Variants in DEFB116 observed in about 807,000 individuals in gnomAD.
DEFB116 encodes beta-defensin 116.
Under a neutral mutation model 2.8 loss-of-function variants are expected in DEFB116, and 5 were observed. The ratio of observed to expected loss-of-function variants is 1.80; its 90% CI spans 0.94 to 3.79. The LOEUF (loss-of-function observed/expected upper bound fraction) is 3.79, where lower values mean the gene tolerates loss of function less well. Among genes scored for constraint, DEFB116 ranks in the 30% most tolerant of loss-of-function variants. DEFB116 has a pLI of 0.00. For missense variants in DEFB116, 170 were observed against 118.0 expected, an observed-to-expected ratio of 1.44 and a Z score of -2.04; for synonymous variants, 56 against 40.8, an observed-to-expected ratio of 1.37 and a Z score of -1.42.
At chr20:31,307,315 T>C (rs940764881) in intron 1 of DEFB116, among the ~76,000 whole-genome samples, 1 of 152,160 alleles carries the variant, frequency 6.6e-6, no homozygotes, top group South Asian at 2.1e-4. Flanking sequence ...GACATATTCA[T>C]GACAGTATAG....
intron 1 of DEFB116, among the ~76,000 whole-genome samples, chr20:31,304,382 G>A (rs1410928544): frequency 6.6e-6 from 1 of 152,060 alleles, no homozygotes; most frequent in Non-Finnish European, 1.5e-5. Flanking sequence ...CATGTACTGT[G>A]GTATGGTCCA....
In DEFB116 at chr20:31,303,218, G is replaced by A. The variant is rs993518612; in HGVS notation, c.303C>T (p.His101=). The A allele has an allele frequency of 1.9e-6, 3 of 1,613,272 alleles. No individual in the cohort carries two copies. The highest frequency in any genetic ancestry group is 1.7e-4 in the Middle Eastern group (1 of 6,052). Residue 101 remains histidine (H), a synonymous_variant, in exon 2 of 2, where the codon CAC becomes CAT. Coordinates refer to ENST00000400549, the MANE Select transcript of DEFB116 (RefSeq NM_001037731.1). The part of the protein sequence containing the change: ...LSVTNSSSYS[H]I ...GAGGAGACGTTGGTGATATTCAAAT[G>A]TGAGAGTAGCTTGAACTGTTTGTAA...
chr20:31,305,683 A>T (rs931288039), intron 1 of DEFB116, among the ~76,000 whole-genome samples: 1 of 151,966 alleles, frequency 6.6e-6, no homozygotes, highest in Non-Finnish European at 1.5e-5. Context: ...CCTCTGCACC[A>T]TGCTATATTT....
At chr20:31,306,050 G>T (rs1241304951) in intron 1 of DEFB116, among the ~76,000 whole-genome samples, 2 of 151,970 alleles carry the variant, frequency 1.3e-5, no homozygotes, top group Non-Finnish European at 2.9e-5. Flanking sequence ...ACTGTCTTAA[G>T]TCAAAAAACA....
intron 1 of DEFB116, among the ~76,000 whole-genome samples, chr20:31,307,028 A>G (rs1034248190): frequency 1.3e-5 from 2 of 152,140 alleles, no homozygotes; most frequent in Admixed American, 6.6e-5. Context: ...ACTTTGTTGA[A>G]GTACAATTGG....
chr20:31,304,966 A>G (rs1242527683), intron 1 of DEFB116, among the ~76,000 whole-genome samples: 1 of 152,126 alleles, frequency 6.6e-6, no homozygotes, highest in Non-Finnish European at 1.5e-5. Context: ...CGGGAAGAGA[A>G]ATAAAGAAGA....
intron 1 of DEFB116, among the ~76,000 whole-genome samples, chr20:31,303,812 A>G (rs902803230): frequency 5.9e-5 from 9 of 152,136 alleles, no homozygotes; most frequent in African/African-American, 2.2e-4. Flanking sequence ...TGAGAGTATG[A>G]GGTTTCAAGG....
intron 1 of DEFB116, among the ~76,000 whole-genome samples, chr20:31,305,912 T>A (rs940024873): frequency 1.3e-5 from 2 of 152,066 alleles, no homozygotes; most frequent in African/African-American, 4.8e-5. Context: ...TTGCAAGAGT[T>A]CCCCAGAAAA....
intron 1 of DEFB116, among the ~76,000 whole-genome samples, chr20:31,303,825 T>G (rs186318455): frequency 6.6e-6 from 1 of 152,146 alleles, no homozygotes; most frequent in Non-Finnish European, 1.5e-5. Context: ...TTTCAAGGTA[T>G]GCCACTGTGA....
At chr20:31,307,479 G>A (rs997728267) in intron 1 of DEFB116, among the ~76,000 whole-genome samples, 11 of 152,036 alleles carry the variant, frequency 7.2e-5, no homozygotes, top group Non-Finnish European at 1.3e-4. Flanking sequence ...AGAAAACATA[G>A]AGAAAAAGCT....
At chr20:31,308,438 G>A in intron 1 of DEFB116, 81 bp downstream of exon 1, 2 of 1,394,602 alleles carry the variant, frequency 1.4e-6, no homozygotes, top group African/African-American at 1.4e-5. Context: ...CACTATATGT[G>A]AGTAGGAGTC....
At chr20:31,305,879 G>A (rs983789977) in intron 1 of DEFB116, among the ~76,000 whole-genome samples, 12 of 152,092 alleles carry the variant, frequency 7.9e-5, no homozygotes, top group African/African-American at 2.9e-4. Context: ...GTATATCTAA[G>A]GAGAGGCCAG....
At position 31,303,411 on chromosome 20, in the gene DEFB116, C is replaced by T. The variant is rs866837026; in HGVS notation, c.110G>A (p.Trp37Ter). 6.2e-7 allele frequency: 1 copy of T among 1,613,440 alleles called. No individual in the cohort carries two copies. The highest frequency in any genetic ancestry group is 8.5e-7 in the Non-Finnish European group (1 of 1,179,562). ...RSHNGKSREP[W>*]NPCELYQGMC... ...GCCTTGGTAAAGCTCACATGGATTC[C>T]AAGGCTCTCGGCTCTTGCCATTGTG... Residue 37 changes from tryptophan (W) to a stop codon, truncating the protein, a stop_gained, in exon 2 of 2, where the codon TGG becomes TAG. Transcript: ENST00000400549. LOFTEE classifies it low-confidence loss of function (END_TRUNC).
intron 1 of DEFB116, among the ~76,000 whole-genome samples, chr20:31,307,070 C>A (rs1433137810): frequency 6.6e-6 from 1 of 152,102 alleles, no homozygotes; most frequent in East Asian, 1.9e-4. Flanking sequence ...TTAATTTATA[C>A]ATTTTGATGA....
At chr20:31,304,964 G>T (rs1284917328) in intron 1 of DEFB116, among the ~76,000 whole-genome samples, 1 of 152,112 alleles carries the variant, frequency 6.6e-6, no homozygotes, top group Non-Finnish European at 1.5e-5. Flanking sequence ...AACGGGAAGA[G>T]AAATAAAGAA....
intron 1 of DEFB116, among the ~76,000 whole-genome samples, chr20:31,307,311 T>G (rs1156265993): frequency 6.6e-6 from 1 of 152,160 alleles, no homozygotes; most frequent in African/African-American, 2.4e-5. Flanking sequence ...CTAGGACATA[T>G]TCATGACAGT....
In DEFB116 at chr20:31,303,280, CATTTTT is replaced by C. The variant is rs1568707057; in HGVS notation, c.235_240del (p.Lys79_Asn80del). On this transcript the variant is annotated inframe_deletion, in exon 2 of 2. Coordinates refer to ENST00000400549, the MANE Select transcript of DEFB116 (RefSeq NM_001037731.1). ...GAGTTAGAGTCGTAATCCTCCTTCA[CATTTTT>C]AGAACTGGTTATTTTCACAGAAAGT... 2 of 1,613,496 alleles carry C rather than the reference CATTTTT, an allele frequency of 1.2e-6. No homozygotes were observed. The highest frequency in any genetic ancestry group is 1.3e-5 in the African/African-American group (1 of 74,894).
chr20:31,308,207 A>G (rs1985039285), intron 1 of DEFB116, among the ~76,000 whole-genome samples: 4 of 151,984 alleles, frequency 2.6e-5, no homozygotes, highest in Admixed American at 2.0e-4. Flanking sequence ...TAGCTCCTCA[A>G]CTTGCACACA....
At chr20:31,307,579 C>A (rs765989259) in intron 1 of DEFB116, among the ~76,000 whole-genome samples, 8 of 151,966 alleles carry the variant, frequency 5.3e-5, no homozygotes, top group Non-Finnish European at 1.2e-4. Context: ...TTGCAGCAAT[C>A]TAGAAAGTTT....
Sources: gnomAD v4.1 joint callset for allele counts (sites outside exome capture counted in the v4.1 genomes callset) on GRCh38, gnomAD v4.1.1 for gene constraint, MANE v1.5 for transcripts, NCBI Gene and HGNC (gene_info 2026-07-23, HGNC 2026-07-21) for gene names.